Variants in SNX30 observed in about 807,000 individuals in gnomAD.
SNX30 encodes the protein sorting nexin-30.
Under a neutral mutation model 46.4 loss-of-function variants are expected in SNX30, and 24 were observed. The ratio of observed to expected loss-of-function variants is 0.52; its 90% CI spans 0.37 to 0.73. The LOEUF (loss-of-function observed/expected upper bound fraction) is 0.73, where lower values mean the gene tolerates loss of function less well. SNX30 is among the 30% of genes least tolerant of loss of function. The probability of loss-of-function intolerance (pLI) is 0.00; values close to 1 mark genes in which losing one functional copy is unlikely to be tolerated. For missense variants in SNX30, 533 were observed against 555.7 expected (o/e 0.96, Z 0.41); for synonymous variants, 189 against 211.5 (o/e 0.89, Z 0.92).
rs565265097 is a variant in SNX30 at position 112,776,668 on chromosome 9, T to C, written c.156+25511T>C. Among the ~76,000 whole-genome samples the C allele has an allele frequency of 3.7e-4, 56 of 152,368 alleles. No homozygotes were observed. The South Asian group carries it at 0.011, about 31-fold the overall frequency. ...AACATGTACATGTATGTATAGGCAG[T>C]GCACAGAGACTCTGCAGTCAGCCTT... On this transcript the variant is annotated intron_variant, in intron 1 of 8. Coordinates refer to ENST00000374232, the MANE Select transcript of SNX30 (RefSeq NM_001012994.2).
intron 3 of SNX30, among the ~76,000 whole-genome samples, chr9:112,825,935 C>A (rs753025683): frequency 6.6e-6 from 1 of 152,110 alleles, no homozygotes; most frequent in African/African-American, 2.4e-5. Flanking sequence ...GAAATGATAA[C>A]GCTTATGACA....
chr9:112,821,850 G>A (rs889990348), intron 3 of SNX30, among the ~76,000 whole-genome samples: 4 of 151,938 alleles, frequency 2.6e-5, no homozygotes, highest in African/African-American at 9.7e-5. Context: ...GGAGTGCAGT[G>A]GTATGATCAC....
chr9:112,863,841 A>G (rs1250444557), intron 7 of SNX30, among the ~76,000 whole-genome samples: 1 of 152,234 alleles, frequency 6.6e-6, no homozygotes, highest in African/African-American at 2.4e-5. Flanking sequence ...TCTAGTTCCA[A>G]TATGGGACAC....
intron 7 of SNX30, among the ~76,000 whole-genome samples, chr9:112,863,695 T>C (rs1328313225): frequency 6.6e-6 from 1 of 152,218 alleles, no homozygotes; most frequent in Non-Finnish European, 1.5e-5. Flanking sequence ...GCCTCCAGTT[T>C]ATTTATGATG....
Position 112,861,663 on chromosome 9 carries a change from G to A in SNX30, c.1102-2584G>A, listed in dbSNP as rs147203698. 5.0e-3 allele frequency among the ~76,000 whole-genome samples: 756 copies of A among 152,340 alleles called. 11 individuals carry two copies. The highest frequency in any genetic ancestry group is 0.017 in the African/African-American group (702 of 41,580). On this transcript the variant is annotated intron_variant, in intron 7 of 8. Transcript: ENST00000374232. The stretch of plus-strand genomic sequence containing the variant: ...CCTCATCCCCTGCCACCCTCTGCCA[G>A]TCTTGCGAGCTGCAGTTCCCTCTCC...
At chr9:112,825,769 G>T (rs1210202214) in intron 3 of SNX30, among the ~76,000 whole-genome samples, 2 of 152,110 alleles carry the variant, frequency 1.3e-5, no homozygotes, top group Non-Finnish European at 2.9e-5. Flanking sequence ...TCATTTACAT[G>T]ATGTGGTTTA....
intron 1 of SNX30, among the ~76,000 whole-genome samples, chr9:112,779,853 C>A (rs787297): frequency 0.87 from 132,718 of 152,084 alleles, 58,106 homozygotes; most frequent in Middle Eastern, 0.91. Flanking sequence ...GGCACTTTAT[C>A]CCTATTTTAC....
intron 2 of SNX30, among the ~76,000 whole-genome samples, chr9:112,806,420 C>G (rs1840224995): frequency 6.6e-6 from 1 of 151,458 alleles, no homozygotes; most frequent in African/African-American, 2.4e-5. Context: ...GAATGATTTA[C>G]AGATATTTTT....
intron 1 of SNX30, among the ~76,000 whole-genome samples, chr9:112,791,592 A>G (rs1840023355): frequency 1.3e-5 from 2 of 151,438 alleles, no homozygotes; most frequent in Non-Finnish European, 2.9e-5. Flanking sequence ...TTGTATTTTT[A>G]GTAGAGATGG....
intron 1 of SNX30, among the ~76,000 whole-genome samples, chr9:112,776,292 G>A (rs1021739504): frequency 6.6e-6 from 1 of 152,086 alleles, no homozygotes; most frequent in Admixed American, 6.6e-5. Context: ...TGTCTCCTGA[G>A]AGAATTCCTT....
At chr9:112,770,055 G>A (rs985357633) in intron 1 of SNX30, among the ~76,000 whole-genome samples, 6 of 152,062 alleles carry the variant, frequency 3.9e-5, no homozygotes, top group Non-Finnish European at 7.4e-5. Context: ...CGCCTGACTC[G>A]TCTTCCTGCT....
chr9:112,749,988 A>G (rs1839238786), upstream of SNX30, among the ~76,000 whole-genome samples: 1 of 152,214 alleles, frequency 6.6e-6, no homozygotes. Flanking sequence ...CACCTTGACT[A>G]TTTGCACCAC....
intron 4 of SNX30, among the ~76,000 whole-genome samples, chr9:112,834,879 C>CACCT (rs968951790): frequency 9.9e-5 from 8 of 80,768 alleles, no homozygotes; most frequent in Admixed American, 2.9e-4. Context: ...CACACACACA[C>CACCT]ACACCTACCT....
intron 1 of SNX30, among the ~76,000 whole-genome samples, chr9:112,774,975 G>C (rs747129737): frequency 3.3e-5 from 5 of 150,690 alleles, no homozygotes; most frequent in Non-Finnish European, 5.9e-5. Context: ...CTCCCCAGTA[G>C]CTGGAATTAC....
At chr9:112,845,246 A>G (rs1840921831) in intron 6 of SNX30, among the ~76,000 whole-genome samples, 1 of 152,208 alleles carries the variant, frequency 6.6e-6, no homozygotes, top group Non-Finnish European at 1.5e-5. Context: ...CAATAGCAGT[A>G]CAATTTTGGG....
chr9:112,778,342 G>A lies in SNX30; in HGVS notation c.157-26434G>A, dbSNP rs189460932. On this transcript the variant is annotated intron_variant, in intron 1 of 8. Coordinates refer to ENST00000374232, the MANE Select transcript of SNX30 (RefSeq NM_001012994.2). Reference sequence around the variant, plus strand: ...GGCTGGAGTACAGTGGTGCGATCCCGGCTCACTGCAACCTACGCCTCCCGG... The same window carrying A: ...GGCTGGAGTACAGTGGTGCGATCCCAGCTCACTGCAACCTACGCCTCCCGG... Among the ~76,000 whole-genome samples the A allele has an allele frequency of 2.1e-4, 30 of 142,864 alleles. No individual in the cohort carries two copies. In the South Asian group the frequency reaches 4.2e-3, roughly 20 times the overall value. 93.7% of individuals were successfully genotyped at this position (142,864 alleles called of 152,430 possible).
intron 1 of SNX30, among the ~76,000 whole-genome samples, chr9:112,787,953 C>T (rs1328419598): frequency 1.3e-5 from 2 of 152,056 alleles, no homozygotes; most frequent in Non-Finnish European, 2.9e-5. Flanking sequence ...CATGCCACCA[C>T]ACCTGGCTAA....
In SNX30 at chr9:112,841,667, T is replaced by A. The variant is rs151046823; in HGVS notation, c.1014+2970T>A. On this transcript the variant is annotated intron_variant, in intron 6 of 8. Transcript: ENST00000374232. Reference sequence around the variant, plus strand: ...AGTGCCCTGGGCACGATAGGAGTGATTGGATGGCAAAGCAAAGACTGTGTC... The same window carrying A: ...AGTGCCCTGGGCACGATAGGAGTGAATGGATGGCAAAGCAAAGACTGTGTC... 1.3e-3 allele frequency among the ~76,000 whole-genome samples: 197 copies of A among 152,306 alleles called. 2 individuals carry two copies. Among genetic ancestry groups the A allele is most frequent in the African/African-American group, 4.5e-3 (185 of 41,562 alleles).
At chr9:112,876,438 C>T (rs572498119), downstream of SNX30, among the ~76,000 whole-genome samples, 2 of 151,278 alleles carry the variant, frequency 1.3e-5, no homozygotes, top group Admixed American at 6.6e-5. Flanking sequence ...ACGTAGACCC[C>T]GTCTCTACAA....
Sources: allele counts gnomAD v4.1 joint callset (sites outside exome capture counted in the v4.1 genomes callset), GRCh38; gene constraint gnomAD v4.1.1; transcripts MANE v1.5; gene names NCBI Gene and HGNC (gene_info 2026-07-23, HGNC 2026-07-21).